NIBAN1: variants seen among roughly 807,000 people sequenced by gnomAD.
NIBAN1 encodes the protein protein Niban 1.
NIBAN1 carries 81 observed loss-of-function variants against 75.1 expected under a neutral mutation model. That is an observed-to-expected ratio of 1.08 (90% CI 0.90 to 1.30). The LOEUF is 1.30. Ranked by LOEUF, NIBAN1 falls within the 50% of genes most tolerant of loss-of-function variation. The probability of loss-of-function intolerance (pLI) is 0.00; values close to 1 mark genes in which losing one functional copy is unlikely to be tolerated. For missense variants in NIBAN1, 1,133 were observed against 1,128.1 expected (o/e 1.00, Z -0.06); for synonymous variants, 436 against 424.8 (o/e 1.03, Z -0.32).
At chr1:184,853,445 T>C (rs1655596090) in intron 5 of NIBAN1, among the ~76,000 whole-genome samples, 1 of 152,258 alleles carries the variant, frequency 6.6e-6, no homozygotes, top group African/African-American at 2.4e-5. Context: ...TTTGCTTCTG[T>C]ACTGATGTTA....
chr1:184,796,425 A>G (rs1653868124), intron 13 of NIBAN1, among the ~76,000 whole-genome samples: 1 of 152,244 alleles, frequency 6.6e-6, no homozygotes, highest in Admixed American at 6.5e-5. Context: ...GGGAGGCCCC[A>G]GCACATTTTA....
intron 9 of NIBAN1, among the ~76,000 whole-genome samples, chr1:184,818,425 A>T (rs535681649): frequency 6.6e-6 from 1 of 152,304 alleles, no homozygotes; most frequent in South Asian, 2.1e-4. Flanking sequence ...CTTGAAAACC[A>T]TCAGTAAAAC....
At chr1:184,819,473 A>G (rs971683080) in intron 8 of NIBAN1, among the ~76,000 whole-genome samples, 5 of 152,242 alleles carry the variant, frequency 3.3e-5, no homozygotes, top group African/African-American at 1.2e-4. Context: ...AAATGCCACT[A>G]TAATTCCACT....
intron 1 of NIBAN1, among the ~76,000 whole-genome samples, chr1:184,961,142 C>A (rs1287136315): frequency 1.4e-5 from 2 of 140,760 alleles, no homozygotes; most frequent in African/African-American, 5.3e-5. Flanking sequence ...GATCTCGGCT[C>A]ACTGCAAGCT....
In NIBAN1 at chr1:184,851,623, T is replaced by C; in HGVS notation, c.602-19661A>G. Among the ~76,000 whole-genome samples the C allele has an allele frequency of 1.3e-4, 2 of 15,616 alleles. 1 individual carries two copies. The highest frequency in any genetic ancestry group is 8.1e-4 in the African/African-American group (2 of 2,472). 10.2% of individuals were successfully genotyped at this position (15,616 alleles called of 152,430 possible). A position where few individuals can be genotyped will look rare whatever the true frequency, so the allele number is the denominator to read the frequency against. On this transcript the variant is annotated intron_variant, in intron 5 of 13. Coordinates refer to ENST00000367511, the MANE Select transcript of NIBAN1 (RefSeq NM_052966.4). ...TGCACATGTACCCTAAAACTTAGAG[T>C]ATAATAAAAAAAAAAAAAATTAAAA...
At chr1:184,917,421 C>T (rs1017681422) in intron 1 of NIBAN1, among the ~76,000 whole-genome samples, 1 of 145,444 alleles carries the variant, frequency 6.9e-6, no homozygotes, top group African/African-American at 2.5e-5. Flanking sequence ...ACCATGTTAG[C>T]CAGGAAGGTC....
chr1:184,853,438 G>C (rs1300825547), intron 5 of NIBAN1, among the ~76,000 whole-genome samples: 2 of 152,144 alleles, frequency 1.3e-5, no homozygotes, highest in African/African-American at 4.8e-5. Context: ...CTTCATATTT[G>C]CTTCTGTACT....
chr1:184,822,952 G>T (rs972106903), intron 8 of NIBAN1, among the ~76,000 whole-genome samples: 3 of 151,792 alleles, frequency 2.0e-5, no homozygotes, highest in African/African-American at 7.3e-5. Flanking sequence ...CCAAAGGCAA[G>T]AAACAAACTT....
At chr1:184,815,830 T>C (rs1036842907) in intron 9 of NIBAN1, among the ~76,000 whole-genome samples, 1 of 152,204 alleles carries the variant, frequency 6.6e-6, no homozygotes, top group Non-Finnish European at 1.5e-5. Context: ...TTCACTCTTC[T>C]AGAAGGACAT....
Position 184,871,368 on chromosome 1 carries a change from A to AAAAAG in NIBAN1, c.601+13264_601+13265insCTTTT, listed in dbSNP as rs1553222992. ...ATCTCAAAAAAAAAAAAAAAAAAAA[A>AAAAAG]AAAAAGAGGAAAATGTGGACACAGA... On this transcript the variant is annotated intron_variant, in intron 5 of 13. Transcript: ENST00000367511. 2.8e-4 allele frequency among the ~76,000 whole-genome samples: 34 copies of AAAAAG among 121,802 alleles called. 2 individuals carry two copies. The highest frequency in any genetic ancestry group is 5.2e-4 in the African/African-American group (18 of 34,356). 79.9% of individuals were successfully genotyped at this position (121,802 alleles called of 152,430 possible).
chr1:184,833,464 T>C (rs1655051369), intron 5 of NIBAN1, among the ~76,000 whole-genome samples: 1 of 151,852 alleles, frequency 6.6e-6, no homozygotes, highest in African/African-American at 2.4e-5. Flanking sequence ...TTCCAACACT[T>C]TGGGAGGCCA....
At chr1:184,869,265 T>C (rs542096915) in intron 5 of NIBAN1, among the ~76,000 whole-genome samples, 229 of 152,282 alleles carry the variant, frequency 1.5e-3, no homozygotes, top group African/African-American at 5.1e-3. Context: ...GTGGAGATCA[T>C]CCATGTACAC....
Position 184,828,012 on chromosome 1 carries a change from T to C in NIBAN1, c.717+3835A>G, listed in dbSNP as rs957312362. Among the ~76,000 whole-genome samples the C allele has an allele frequency of 2.0e-4, 31 of 151,476 alleles. 1 individual carries two copies. The highest frequency in any genetic ancestry group is 2.0e-3 in the Admixed American group (31 of 15,196). On this transcript the variant is annotated intron_variant, in intron 6 of 13. Coordinates refer to ENST00000367511, the MANE Select transcript of NIBAN1 (RefSeq NM_052966.4). ...ACTGTTCTGTGGGAATTATGAGCTGTTCTCTAGCCCATCTTGGTATTTTAA... is the reference window on the plus strand; with the variant it reads ...ACTGTTCTGTGGGAATTATGAGCTGCTCTCTAGCCCATCTTGGTATTTTAA...
At chr1:184,880,787 T>C (rs1358348229) in intron 5 of NIBAN1, among the ~76,000 whole-genome samples, 2 of 152,146 alleles carry the variant, frequency 1.3e-5, no homozygotes, top group Non-Finnish European at 2.9e-5. Context: ...AAGAATAGGA[T>C]TGCATTTTGG....
Position 184,795,440 on chromosome 1 carries a change from G to T in NIBAN1, c.2324C>A (p.Pro775His), listed in dbSNP as rs1299878579. ...ESEVSEREAQ[P>H]PCPEAHGEEL... ...CTCCCCATGGGCCTCGGGACAGGGA[G>T]GTTGGGCCTCCCTCTCGCTGACTTC... Residue 775 changes from proline (P) to histidine (H), a missense_variant, in exon 14 of 14, where the codon CCT becomes CAT. Physicochemically the swap from Pro to His is moderately conservative, Grantham distance 77. Transcript: ENST00000367511. 1 of 1,608,242 alleles carries T rather than the reference G, an allele frequency of 6.2e-7. No homozygotes were observed. The highest frequency in any genetic ancestry group is 1.3e-5 in the African/African-American group (1 of 74,750).
intron 1 of NIBAN1, among the ~76,000 whole-genome samples, chr1:184,915,576 G>C (rs1401430540): frequency 6.6e-6 from 1 of 152,184 alleles, no homozygotes; most frequent in Non-Finnish European, 1.5e-5. Context: ...TTGTGATGGA[G>C]AGGAATAGAA....
chr1:184,891,256 TAAGA>T (rs1168036777), intron 3 of NIBAN1, among the ~76,000 whole-genome samples: 2 of 152,140 alleles, frequency 1.3e-5, no homozygotes, highest in Non-Finnish European at 2.9e-5. Context: ...CTATTCATCC[TAAGA>T]AAGACGATTG....
At chr1:184,852,028 C>T (rs1655553870) in intron 5 of NIBAN1, among the ~76,000 whole-genome samples, 1 of 152,128 alleles carries the variant, frequency 6.6e-6, no homozygotes, top group Non-Finnish European at 1.5e-5. Context: ...TTGTAAAGAA[C>T]TTCGGTGAGC....
chr1:184,823,992 G>C (rs554566170), intron 6 of NIBAN1, among the ~76,000 whole-genome samples: 4 of 152,268 alleles, frequency 2.6e-5, no homozygotes, highest in Admixed American at 2.6e-4. Flanking sequence ...TTTTCCCAAT[G>C]TAAATAACAA....
Sources: gnomAD v4.1 joint callset for allele counts (sites outside exome capture counted in the v4.1 genomes callset) on GRCh38, gnomAD v4.1.1 for gene constraint, MANE v1.5 for transcripts, NCBI Gene and HGNC (gene_info 2026-07-23, HGNC 2026-07-21) for gene names.